FAAH2: variants seen among roughly 807,000 people sequenced by gnomAD.
FAAH2 encodes fatty-acid amide hydrolase 2.
FAAH2 carries 60 observed loss-of-function variants against 36.9 expected under a neutral mutation model. The ratio of observed to expected loss-of-function variants is 1.63; its 90% CI spans 1.32 to 2.02. FAAH2 has a LOEUF of 2.02. Ranked by LOEUF, FAAH2 falls within the 30% of genes most tolerant of loss-of-function variation. The pLI is 0.00. For synonymous variants in FAAH2, 214 were observed against 143.8 expected (o/e 1.49, Z -3.49); for missense variants, 689 against 397.5 (o/e 1.73, Z -6.23).
chrX:57,380,629 G>T lies in FAAH2; in HGVS notation c.879-283G>T, dbSNP rs757420520. On this transcript the variant is annotated intron_variant, in intron 6 of 10. Coordinates refer to ENST00000374900, the MANE Select transcript of FAAH2 (RefSeq NM_174912.4). ...ATATCTCTCCCTTACCATGGTTACA[G>T]TTCTAGTTCAGGCTATAATCATTTC... Among the ~76,000 whole-genome samples, 3 of 111,675 alleles carry T rather than the reference G, an allele frequency of 2.7e-5. No homozygotes were observed. In the East Asian group the frequency reaches 8.5e-4, roughly 31 times the overall value.
At chrX:57,211,073 G>A in the FAAH2 span, among the ~76,000 whole-genome samples, 4 of 112,133 alleles carry the variant, frequency 3.6e-5, no homozygotes, top group Non-Finnish European at 5.6e-5. Context: ...ATTGACACAA[G>A]TGCTGATGAA....
chrX:57,319,270 C>G (rs750189492), intron 3 of FAAH2, among the ~76,000 whole-genome samples: 1 of 111,503 alleles, frequency 9.0e-6, no homozygotes, highest in Non-Finnish European at 1.9e-5. Context: ...GCTTAGAAAA[C>G]CCCATCGTCT....
chrX:57,197,879 G>A, the FAAH2 span, among the ~76,000 whole-genome samples: 1 of 112,203 alleles, frequency 8.9e-6, no homozygotes. Flanking sequence ...AACTTGTTAT[G>A]TGAACAGACT....
intron 5 of FAAH2, among the ~76,000 whole-genome samples, chrX:57,357,243 C>T (rs1393040757): frequency 1.8e-5 from 2 of 111,077 alleles, no homozygotes; most frequent in African/African-American, 6.5e-5. Context: ...AGAAGAAAAC[C>T]TAGGCAATAC....
intron 5 of FAAH2, among the ~76,000 whole-genome samples, chrX:57,362,602 A>C (rs1313776927): frequency 2.7e-5 from 3 of 111,403 alleles, no homozygotes; most frequent in Non-Finnish European, 1.9e-5. Context: ...TCTTTCACTT[A>C]ATTATGTCCT....
chrX:57,381,174 T>C (rs932987026), intron 7 of FAAH2, 145 bp downstream of exon 7: 19 of 406,530 alleles, frequency 4.7e-5, no homozygotes, highest in Non-Finnish European at 6.7e-5. Context: ...GAATTTTGGA[T>C]GTAATTTTTC....
At chrX:57,330,924 C>T (rs5914082) in intron 3 of FAAH2, among the ~76,000 whole-genome samples, 1 of 108,892 alleles carries the variant, frequency 9.2e-6, no homozygotes, top group African/African-American at 3.4e-5. Context: ...GGCCCCAGGA[C>T]GTACTTAGGG....
intron 10 of FAAH2, among the ~76,000 whole-genome samples, chrX:57,476,843 C>CT (rs1222442603): frequency 2.0e-3 from 197 of 99,799 alleles, no homozygotes; most frequent in Admixed American, 6.3e-3. Context: ...TGTTCTTGGA[C>CT]TTTTTTTTTT....
intron 10 of FAAH2, among the ~76,000 whole-genome samples, chrX:57,457,150 G>T (rs1002317619): frequency 4.5e-5 from 5 of 111,519 alleles, no homozygotes; most frequent in Non-Finnish European, 9.4e-5. Context: ...TCACCATACA[G>T]AAATCAATAA....
chrX:57,350,324 C>T (rs1392102534), intron 5 of FAAH2, among the ~76,000 whole-genome samples: 1 of 110,226 alleles, frequency 9.1e-6, no homozygotes, highest in Non-Finnish European at 1.9e-5. Context: ...GGACATTTAC[C>T]ATTATGAAAA....
chrX:57,488,953 A>ATG lies in FAAH2; in HGVS notation c.*33_*34dup, dbSNP rs774677428. The ATG allele has an allele frequency of 6.9e-5, 82 of 1,195,609 alleles. No individual in the cohort carries two copies. Among genetic ancestry groups the ATG allele is most frequent in the Admixed American group, 4.1e-4 (18 of 44,062 alleles). On this transcript the variant is annotated 3_prime_UTR_variant, in exon 11 of 11. Transcript: ENST00000374900. ...TTTAGGAGGACCTTCTGCAAGGTTA[A>ATG]TGTGTGTGTGTGTTTGTGTTCGTGT...
chrX:57,482,246 C>T (rs1370419091), intron 10 of FAAH2, among the ~76,000 whole-genome samples: 1 of 111,389 alleles, frequency 9.0e-6, no homozygotes, highest in Non-Finnish European at 1.9e-5. Context: ...GGAGAGTGAA[C>T]AGTTGTGTCT....
intron 10 of FAAH2, among the ~76,000 whole-genome samples, chrX:57,484,623 A>G (rs2057440983): frequency 9.0e-6 from 1 of 111,463 alleles, no homozygotes; most frequent in African/African-American, 3.3e-5. Context: ...CAACCCAAAT[A>G]CAGACAGCTT....
At chrX:57,400,447 A>C (rs2055404674) in intron 7 of FAAH2, among the ~76,000 whole-genome samples, 1 of 112,517 alleles carries the variant, frequency 8.9e-6, no homozygotes, top group South Asian at 3.7e-4. Context: ...ATATAAAGAA[A>C]AGTCTTGCCC....
the FAAH2 span, chrX:57,137,639 A>G: frequency 9.0e-6 from 1 of 110,600 alleles, no homozygotes; most frequent in Non-Finnish European, 1.9e-5. Context: ...TTCCCTTTCC[A>G]CAATTCACAA....
chrX:57,249,373 C>T, the FAAH2 span, among the ~76,000 whole-genome samples: 1 of 111,808 alleles, frequency 8.9e-6, no homozygotes, highest in Non-Finnish European at 1.9e-5. Flanking sequence ...AACTTAAAGC[C>T]TGATAAAATA....
chrX:57,467,249 G>A (rs1296266046), intron 10 of FAAH2, among the ~76,000 whole-genome samples: 1 of 111,176 alleles, frequency 9.0e-6, no homozygotes, highest in African/African-American at 3.3e-5. Context: ...GTTGGACAGT[G>A]GGTGCAGGAC....
intron 5 of FAAH2, among the ~76,000 whole-genome samples, chrX:57,366,065 C>T (rs1028188529): frequency 8.9e-6 from 1 of 111,976 alleles, no homozygotes; most frequent in Non-Finnish European, 1.9e-5. Flanking sequence ...TGCTTAAGAA[C>T]CATTGGTGAG....
At chrX:57,185,681 T>C in the FAAH2 span, among the ~76,000 whole-genome samples, 1 of 110,280 alleles carries the variant, frequency 9.1e-6, no homozygotes, top group Admixed American at 9.7e-5. Context: ...ATGCATTAGG[T>C]ATTTGTCCTA....
Sources: gnomAD v4.1 joint callset for allele counts (sites outside exome capture counted in the v4.1 genomes callset) on GRCh38, gnomAD v4.1.1 for gene constraint, MANE v1.5 for transcripts, NCBI Gene and HGNC (gene_info 2026-07-23, HGNC 2026-07-21) for gene names.